The following IL1RAPL1 variants were observed in gnomAD, a reference collection of about 807,000 sequenced individuals.
IL1RAPL1 encodes the protein interleukin-1 receptor accessory protein-like 1.
Under a neutral mutation model 48.4 loss-of-function variants are expected in IL1RAPL1, and 3 were observed. That is an observed-to-expected ratio of 0.06 (90% CI 0.03 to 0.16). The LOEUF is 0.16. Among genes scored for constraint, IL1RAPL1 ranks in the 10% least tolerant of loss-of-function variants. The probability of loss-of-function intolerance (pLI) is 1.00; values close to 1 mark genes in which losing one functional copy is unlikely to be tolerated. For missense variants in IL1RAPL1, 349 were observed against 530.6 expected (o/e 0.66, Z 3.36); for synonymous variants, 185 against 187.7 (o/e 0.99, Z 0.12).
intron 6 of IL1RAPL1, among the ~76,000 whole-genome samples, chrX:29,823,533 A>G (rs1269392882): frequency 1.8e-5 from 2 of 112,239 alleles, no homozygotes; most frequent in Non-Finnish European, 3.8e-5. Context: ...AACTGAAAGC[A>G]TGTATATCTT....
intron 2 of IL1RAPL1, among the ~76,000 whole-genome samples, chrX:28,942,763 T>G (rs953102260): frequency 2.7e-5 from 3 of 109,728 alleles, no homozygotes; most frequent in African/African-American, 9.9e-5. Flanking sequence ...GGGAAAGAAT[T>G]AGGAAAAATG....
chrX:29,010,505 TG>T (rs961699828), intron 2 of IL1RAPL1, among the ~76,000 whole-genome samples: 5 of 111,878 alleles, frequency 4.5e-5, no homozygotes, highest in Non-Finnish European at 9.4e-5. Context: ...GATGATCATA[TG>T]GCTTTGGTTT....
chrX:29,590,072 C>G (rs1019316478), intron 5 of IL1RAPL1, among the ~76,000 whole-genome samples: 3 of 111,238 alleles, frequency 2.7e-5, no homozygotes, highest in Non-Finnish European at 5.7e-5. Context: ...GAGCAAGGAG[C>G]AAGAGCAGGA....
intron 2 of IL1RAPL1, among the ~76,000 whole-genome samples, chrX:29,168,070 CATA>C (rs774648254): frequency 2.7e-5 from 3 of 110,378 alleles, no homozygotes; most frequent in Middle Eastern, 9.3e-3. Context: ...ATACTTAACA[CATA>C]ATAATTTAAA....
chrX:28,759,624 T>C (rs1601890445), intron 1 of IL1RAPL1, among the ~76,000 whole-genome samples: 1 of 112,040 alleles, frequency 8.9e-6, no homozygotes, highest in South Asian at 3.7e-4. Context: ...GTACCAACTG[T>C]ACGTATTTTA....
intron 3 of IL1RAPL1, among the ~76,000 whole-genome samples, chrX:29,341,875 C>T (rs186299867): frequency 4.5e-5 from 5 of 111,013 alleles, no homozygotes; most frequent in East Asian, 2.8e-4. Context: ...GGGATGATCT[C>T]GGCTCACGGC....
intron 3 of IL1RAPL1, among the ~76,000 whole-genome samples, chrX:29,321,569 TAGTCGCAC>T (rs757425381): frequency 8.9e-6 from 1 of 112,166 alleles, no homozygotes; most frequent in South Asian, 3.7e-4. Flanking sequence ...TGTATGTGTG[TAGTCGCAC>T]AGTGATATTT....
rs143000807 is a variant in IL1RAPL1, at chrX:29,327,358, T to C, written c.362+44141T>C. ...ATTTGAAATATATATTCTTAATAAA[T>C]CTTTTAACTTTCAGGGCTCTTTCCC... On this transcript the variant is annotated intron_variant, in intron 3 of 10. Coordinates refer to ENST00000378993, the MANE Select transcript of IL1RAPL1 (RefSeq NM_014271.4). Among the ~76,000 whole-genome samples, 388 of 109,575 alleles carry C rather than the reference T, an allele frequency of 3.5e-3. 3 individuals carry two copies. The East Asian group carries it at 0.05, about 14-fold the overall frequency.
chrX:28,607,446 A>C (rs776010251), intron 1 of IL1RAPL1, among the ~76,000 whole-genome samples: 7 of 111,440 alleles, frequency 6.3e-5, no homozygotes, highest in Non-Finnish European at 1.3e-4. Context: ...TTCATCATGC[A>C]GCTTAATTTC....
At chrX:28,959,591 CA>C (rs1569208306) in intron 2 of IL1RAPL1, among the ~76,000 whole-genome samples, 1 of 111,607 alleles carries the variant, frequency 9.0e-6, no homozygotes, top group African/African-American at 3.2e-5. Flanking sequence ...ATACTTAATA[CA>C]AATATGTTTC....
At chrX:29,673,276 T>G (rs1389083622) in intron 6 of IL1RAPL1, among the ~76,000 whole-genome samples, 2 of 111,928 alleles carry the variant, frequency 1.8e-5, no homozygotes, top group Non-Finnish European at 3.8e-5. Flanking sequence ...ATTATTTAGG[T>G]GTTGAATTTG....
At chrX:28,992,696 A>C (rs956719284) in intron 2 of IL1RAPL1, among the ~76,000 whole-genome samples, 18 of 111,399 alleles carry the variant, frequency 1.6e-4, no homozygotes, top group Admixed American at 5.8e-4. Flanking sequence ...CAGGAACAAG[A>C]AAATAAGTCC....
intron 2 of IL1RAPL1, among the ~76,000 whole-genome samples, chrX:29,162,976 G>C (rs1352606756): frequency 9.1e-6 from 1 of 109,686 alleles, no homozygotes; most frequent in South Asian, 4.0e-4. Flanking sequence ...GGGAGGCTGA[G>C]GCAGGAGAAT....
chrX:29,052,264 C>A (rs1341034063), intron 2 of IL1RAPL1, among the ~76,000 whole-genome samples: 1 of 111,231 alleles, frequency 9.0e-6, no homozygotes, highest in Non-Finnish European at 1.9e-5. Flanking sequence ...ACTAGTTACT[C>A]CTAGGGAAAA....
intron 2 of IL1RAPL1, among the ~76,000 whole-genome samples, chrX:28,987,662 C>T (rs767052630): frequency 2.3e-4 from 26 of 111,749 alleles, no homozygotes; most frequent in Non-Finnish European, 3.2e-4. Context: ...TGGCGACCTA[C>T]CCCCTCAATT....
At chrX:29,270,603 T>G (rs1002640866) in intron 2 of IL1RAPL1, among the ~76,000 whole-genome samples, 5 of 111,724 alleles carry the variant, frequency 4.5e-5, no homozygotes, top group African/African-American at 6.5e-5. Flanking sequence ...GATCTATTTC[T>G]GGACTCTAAT....
At chrX:29,108,550 C>T (rs1316224963) in intron 2 of IL1RAPL1, among the ~76,000 whole-genome samples, 9 of 109,872 alleles carry the variant, frequency 8.2e-5, no homozygotes, top group African/African-American at 2.0e-4. Context: ...TACAGGCATG[C>T]GCCACCATGC....
chrX:29,840,209 GA>G (rs1284428731), intron 6 of IL1RAPL1, among the ~76,000 whole-genome samples: 1 of 111,735 alleles, frequency 8.9e-6, no homozygotes, highest in Non-Finnish European at 1.9e-5. Flanking sequence ...ACTTTGGCCT[GA>G]TTGTCTTAAA....
rs115309867 is a variant in IL1RAPL1 at position 28,964,593 on chromosome X, G to T, written c.82+175168G>T. 8.7e-3 allele frequency among the ~76,000 whole-genome samples: 974 copies of T among 111,900 alleles called. 12 individuals carry two copies. Among genetic ancestry groups the T allele is most frequent in the African/African-American group, 0.03 (932 of 30,942 alleles). On this transcript the variant is annotated intron_variant, in intron 2 of 10. Transcript: ENST00000378993. ...GTTCCTTGGGCAAAAGGTATGTGCA[G>T]TTTGTTTCTAGATATTTCCAAATTA...
Sources: gnomAD v4.1 joint callset for allele counts (sites outside exome capture counted in the v4.1 genomes callset) on GRCh38, gnomAD v4.1.1 for gene constraint, MANE v1.5 for transcripts, NCBI Gene and HGNC (gene_info 2026-07-23, HGNC 2026-07-21) for gene names.